NARS2: variants seen among roughly 807,000 people sequenced by gnomAD.
The protein encoded by NARS2 is asparaginyl-tRNA synthetase 2, mitochondrial.
A neutral mutation model predicts 62.9 loss-of-function variants in NARS2; 60 were observed. That is an observed-to-expected ratio of 0.95 (90% confidence interval 0.77 to 1.18). NARS2 has a LOEUF of 1.18. NARS2 is among the 50% of genes most tolerant of loss of function. The probability of loss-of-function intolerance (pLI) is 0.00; values close to 1 mark genes in which losing one functional copy is unlikely to be tolerated. For synonymous variants in NARS2, 196 were observed against 200.0 expected (o/e 0.98, Z 0.17); for missense variants, 619 against 576.4 (o/e 1.07, Z -0.76).
At chr11:78,524,994 C>T (rs1158102229) in intron 6 of NARS2, among the ~76,000 whole-genome samples, 1 of 152,034 alleles carries the variant, frequency 6.6e-6, no homozygotes, top group Non-Finnish European at 1.5e-5. Flanking sequence ...CATGAAAAGT[C>T]CTGGAGGAAC....
At chr11:78,531,718 C>T (rs949223773) in intron 5 of NARS2, among the ~76,000 whole-genome samples, 12 of 152,096 alleles carry the variant, frequency 7.9e-5, no homozygotes, top group African/African-American at 2.9e-4. Flanking sequence ...AATGTTTTAG[C>T]ATGTACTTAT....
rs551570197 is a variant in NARS2, at chr11:78,493,310, C to T, written c.690-115G>A. On this transcript the variant is annotated intron_variant, in intron 6 of 13. Transcript: ENST00000281038. ...GTTTTGTGTGCCTCTGTCTTGTCCA[C>T]AGACTGACACATATTTGCTGCTACA... 7.9e-6 allele frequency: 7 copies of T among 881,120 alleles called. No individual in the cohort carries two copies. In the African/African-American group the frequency reaches 1.2e-4, roughly 15 times the overall value. 54.6% of individuals were successfully genotyped at this position (881,120 alleles called of 1,614,324 possible).
chr11:78,557,578 A>AC (rs1336657184), intron 5 of NARS2, among the ~76,000 whole-genome samples: 6 of 152,230 alleles, frequency 3.9e-5, no homozygotes, highest in Non-Finnish European at 5.9e-5. Flanking sequence ...GTAGGAGCCT[A>AC]GGATCAATGA....
chr11:78,454,791 C>T (rs1296551005), intron 11 of NARS2, among the ~76,000 whole-genome samples: 4 of 151,776 alleles, frequency 2.6e-5, no homozygotes, highest in Admixed American at 6.6e-5. Context: ...GCTAATTTTT[C>T]GTATTTTTAG....
At chr11:78,538,697 G>T (rs1361524424) in intron 5 of NARS2, among the ~76,000 whole-genome samples, 1 of 152,006 alleles carries the variant, frequency 6.6e-6, no homozygotes, top group Non-Finnish European at 1.5e-5. Context: ...GAGTAAGACT[G>T]TTAAAAGATG....
At chr11:78,489,941 G>A (rs760374971) in intron 7 of NARS2, among the ~76,000 whole-genome samples, 4 of 152,082 alleles carry the variant, frequency 2.6e-5, no homozygotes, top group African/African-American at 4.8e-5. Context: ...GGGAGGCTGA[G>A]GTGGGAGGAT....
intron 7 of NARS2, among the ~76,000 whole-genome samples, chr11:78,483,076 G>A (rs553149557): frequency 1.3e-5 from 2 of 152,108 alleles, no homozygotes; most frequent in South Asian, 2.1e-4. Context: ...GATGCAAGGC[G>A]GGTTCAACAT....
In NARS2 at chr11:78,443,662, T is replaced by C. The variant is rs1179045311; in HGVS notation, c.1261A>G (p.Arg421Gly). The change falls in exon 12 of 14, where the codon AGA (arginine) becomes GGA (glycine). Residue 421 changes from arginine to glycine, a missense_variant and splice_region_variant. Transcript: ENST00000281038. The stretch of plus-strand genomic sequence containing the variant: ...GTTTCTTTTAGGTCTGACCAGTACC[T>C]GGCTAAGCGCTCCTCTAAGAAATGG... ...RYHFLEERLA[R>G]SGLTEVYQWY... 2 of 1,609,370 alleles carry C rather than the reference T, an allele frequency of 1.2e-6. No homozygotes were observed. Among genetic ancestry groups the C allele is most frequent in the Non-Finnish European group, 1.7e-6 (2 of 1,175,794 alleles).
At chr11:78,542,775 T>G (rs372320301) in intron 5 of NARS2, among the ~76,000 whole-genome samples, 1 of 152,184 alleles carries the variant, frequency 6.6e-6, no homozygotes, top group Admixed American at 6.5e-5. Context: ...GGTGCGCACC[T>G]GTAGTTTTAG....
chr11:78,529,308 T>A lies in NARS2; in HGVS notation c.595-372A>T, dbSNP rs772446234. On this transcript the variant is annotated intron_variant, in intron 5 of 13. Coordinates refer to ENST00000281038, the MANE Select transcript of NARS2 (RefSeq NM_024678.6). ...AAAAGGTTGACTTATGATTGAGACT[T>A]AATTATCTCAAGAGAATAGCCTCTG... Among the ~76,000 whole-genome samples, 21 of 152,230 alleles carry A rather than the reference T, an allele frequency of 1.4e-4. 1 individual carries two copies. The highest frequency in any genetic ancestry group is 2.8e-4 in the Non-Finnish European group (19 of 68,032).
chr11:78,478,767 C>T, intron 7 of NARS2, 84 bp from the exon 8 acceptor site: 2 of 670,378 alleles, frequency 3.0e-6, no homozygotes, highest in Non-Finnish European at 4.8e-6. Flanking sequence ...GACCGCATTC[C>T]AGGCTTTAGC....
At chr11:78,505,874 T>A (rs902581148) in intron 6 of NARS2, among the ~76,000 whole-genome samples, 1 of 151,936 alleles carries the variant, frequency 6.6e-6, no homozygotes, top group African/African-American at 2.4e-5. Flanking sequence ...ACTAACAGAA[T>A]AAGAAGCTTC....
At chr11:78,459,656 C>T (rs1281673927) in intron 11 of NARS2, among the ~76,000 whole-genome samples, 3 of 152,206 alleles carry the variant, frequency 2.0e-5, no homozygotes, top group Non-Finnish European at 4.4e-5. Flanking sequence ...CTTTCACTTT[C>T]TGCCATGACT....
At chr11:78,497,248 A>C (rs767038035) in intron 6 of NARS2, among the ~76,000 whole-genome samples, 9 of 151,564 alleles carry the variant, frequency 5.9e-5, no homozygotes, top group Admixed American at 3.9e-4. Flanking sequence ...ATTGAAAAAA[A>C]AAAAAAAAAA....
chr11:78,511,891 C>A (rs1860736109), intron 6 of NARS2, among the ~76,000 whole-genome samples: 1 of 151,966 alleles, frequency 6.6e-6, no homozygotes, highest in African/African-American at 2.4e-5. Context: ...AAGAAACAAA[C>A]AATGATAACA....
At chr11:78,573,995 G>C (rs111812538) in intron 1 of NARS2, among the ~76,000 whole-genome samples, 143 of 152,326 alleles carry the variant, frequency 9.4e-4, no homozygotes, top group African/African-American at 2.9e-3. Flanking sequence ...GTAAGACACG[G>C]TTTCTGCTCT....
chr11:78,495,684 T>C lies in NARS2; in HGVS notation c.690-2489A>G, dbSNP rs112894615. ...CTCACAAACGGTAACATTACAAATA[T>C]AGAAAAATACTCAGATATATGTCAC... On this transcript the variant is annotated intron_variant, in intron 6 of 13. Transcript: ENST00000281038. Among the ~76,000 whole-genome samples the C allele has an allele frequency of 2.5e-3, 376 of 152,226 alleles. 1 individual carries two copies. The highest frequency in any genetic ancestry group is 8.1e-3 in the African/African-American group (338 of 41,540).
intron 6 of NARS2, among the ~76,000 whole-genome samples, chr11:78,506,274 C>T (rs2135373989): frequency 6.6e-6 from 1 of 152,316 alleles, no homozygotes; most frequent in Non-Finnish European, 1.5e-5. Flanking sequence ...ATTACTTCAG[C>T]AAATTACTTG....
intron 11 of NARS2, among the ~76,000 whole-genome samples, chr11:78,464,765 C>G (rs995403028): frequency 1.3e-5 from 2 of 152,196 alleles, no homozygotes; most frequent in African/African-American, 4.8e-5. Flanking sequence ...ATTCACAAAC[C>G]CTGAGCTAGA....
Sources: gnomAD v4.1 joint callset for allele counts (sites outside exome capture counted in the v4.1 genomes callset) on GRCh38, gnomAD v4.1.1 for gene constraint, MANE v1.5 for transcripts, NCBI Gene and HGNC (gene_info 2026-07-23, HGNC 2026-07-21) for gene names.